Variants in C2CD5 observed in about 807,000 individuals in gnomAD.
The protein encoded by C2CD5 is C2 calcium dependent domain containing 5.
In C2CD5, 109 loss-of-function variants were observed where a neutral mutation model predicts 130.3. The observed-to-expected ratio is 0.84, with a 90% CI of 0.72 to 0.98. The LOEUF is 0.98. C2CD5 is among the 50% of genes least tolerant of loss of function. The pLI, the probability that C2CD5 is intolerant of heterozygous loss-of-function variation, is 0.00. For missense variants in C2CD5, 996 were observed against 1,261.8 expected, an observed-to-expected ratio of 0.79 and a Z score of 3.19; for synonymous variants, 454 against 429.2, an observed-to-expected ratio of 1.06 and a Z score of -0.71.
chr12:22,459,579 T>G (rs1434126610), intron 22 of C2CD5, 37 bp from the exon 23 acceptor site: 1 of 1,322,592 alleles, frequency 7.6e-7, no homozygotes, highest in African/African-American at 1.5e-5. Context: ...GCTCAGATGC[T>G]AAGTACAAGC....
intron 4 of C2CD5, among the ~76,000 whole-genome samples, chr12:22,526,599 T>G (rs1439502431): frequency 6.6e-6 from 1 of 151,874 alleles, no homozygotes; most frequent in African/African-American, 2.4e-5. Flanking sequence ...AAGCCAGGAG[T>G]AGTGGCTCAT....
intron 2 of C2CD5, among the ~76,000 whole-genome samples, chr12:22,539,598 G>C (rs752405358): frequency 6.6e-6 from 1 of 152,152 alleles, no homozygotes; most frequent in Non-Finnish European, 1.5e-5. Flanking sequence ...GGAAGGGCCA[G>C]AGATGCCAGG....
rs186873121 is a variant in C2CD5, at chr12:22,468,950, A to G, written c.2533+759T>C. Among the ~76,000 whole-genome samples, 11 of 152,340 alleles carry G rather than the reference A, an allele frequency of 7.2e-5. No homozygotes were observed. In the East Asian group the frequency reaches 2.1e-3, roughly 29 times the overall value. ...ATAAAAGTTGAATAGCTCATTTCAA[A>G]TAACTATCATTTCTCAAAATAAATT... On this transcript the variant is annotated intron_variant, in intron 22 of 26. Transcript: ENST00000446597.
At chr12:22,495,092 C>T (rs1213746930) in intron 10 of C2CD5, among the ~76,000 whole-genome samples, 1 of 152,024 alleles carries the variant, frequency 6.6e-6, no homozygotes, top group Non-Finnish European at 1.5e-5. Context: ...TACCTATTTT[C>T]CCAAAAAATT....
At chr12:22,527,935 T>C in intron 3 of C2CD5, 43 bp from the exon 4 acceptor site, 4 of 1,275,096 alleles carry the variant, frequency 3.1e-6, no homozygotes, top group Non-Finnish European at 4.4e-6. Context: ...AGTTTTTAAA[T>C]CTTAATTACC....
chr12:22,517,967 G>T lies in C2CD5; in HGVS notation c.952+19C>A. 1 of 1,574,172 alleles carries T rather than the reference G, an allele frequency of 6.4e-7. No homozygotes were observed. Among genetic ancestry groups the T allele is most frequent in the Non-Finnish European group, 8.6e-7 (1 of 1,161,674 alleles). On this transcript the variant is annotated intron_variant, in intron 8 of 26. Coordinates refer to ENST00000446597, the MANE Select transcript of C2CD5 (RefSeq NM_001286176.2). ...ATTTTTAAAAAAGAAAAAATAAAAG[G>T]TGGGTGGAAGCGCCTTACCAGTTTT... is the stretch of plus-strand genomic sequence containing the variant.
intron 23 of C2CD5, chr12:22,458,874 C>T (rs1940526493): frequency 4.5e-6 from 1 of 220,926 alleles, no homozygotes; most frequent in East Asian, 9.2e-5. Flanking sequence ...ATGAAAGGAC[C>T]ACATACTGTG....
chr12:22,483,341 A>G (rs1370416249), intron 13 of C2CD5, among the ~76,000 whole-genome samples: 2 of 152,166 alleles, frequency 1.3e-5, no homozygotes, highest in East Asian at 1.9e-4. Context: ...AGAAAATGTT[A>G]GTCATTAAAA....
intron 23 of C2CD5, 69 bp downstream of exon 23, chr12:22,459,423 T>A: frequency 9.9e-7 from 1 of 1,008,312 alleles, no homozygotes; most frequent in Non-Finnish European, 1.5e-6. Flanking sequence ...TCAATGTCTA[T>A]AATTTTATGC....
chr12:22,475,392 T>C (rs1943696477), intron 15 of C2CD5, among the ~76,000 whole-genome samples: 1 of 152,188 alleles, frequency 6.6e-6, no homozygotes, highest in Non-Finnish European at 1.5e-5. Context: ...ACTATGCACA[T>C]ATTTGCTATT....
intron 8 of C2CD5, among the ~76,000 whole-genome samples, chr12:22,517,758 AC>A (rs1040871800): frequency 1.3e-5 from 2 of 151,222 alleles, no homozygotes; most frequent in Non-Finnish European, 3.0e-5. Context: ...TAAATCGTGG[AC>A]TTTGATATCT....
chr12:22,474,980 G>A, intron 15 of C2CD5, 89 bp from the exon 16 acceptor site: 1 of 807,470 alleles, frequency 1.2e-6, no homozygotes, highest in Non-Finnish European at 1.8e-6. Flanking sequence ...ACCTACCTGT[G>A]GAGAAAAAGC....
chr12:22,504,691 G>A (rs1231421933), intron 10 of C2CD5, among the ~76,000 whole-genome samples: 2 of 152,180 alleles, frequency 1.3e-5, no homozygotes, highest in African/African-American at 4.8e-5. Flanking sequence ...ATCAGTGGGT[G>A]CCATCTATTA....
intron 8 of C2CD5, among the ~76,000 whole-genome samples, chr12:22,517,518 T>C (rs1949855310): frequency 6.6e-6 from 1 of 152,058 alleles, no homozygotes; most frequent in South Asian, 2.1e-4. Context: ...ACATTTTAAA[T>C]ACCCAGTTAA....
rs1289786490 is a variant in C2CD5 at position 22,544,388 on chromosome 12, A to G, written c.-98T>C. Reference sequence around the variant, plus strand: ...TCATTCCGGAGAGGCGGCGGGAGGAAGGGCTTTGATGGGTTCTTCCGTCCC... The same window carrying G: ...TCATTCCGGAGAGGCGGCGGGAGGAGGGGCTTTGATGGGTTCTTCCGTCCC... On this transcript the variant is annotated 5_prime_UTR_variant, in exon 1 of 27. Coordinates refer to ENST00000446597, the MANE Select transcript of C2CD5 (RefSeq NM_001286176.2). 2 of 422,186 alleles carry G rather than the reference A, an allele frequency of 4.7e-6. No individual in the cohort carries two copies. The highest frequency in any genetic ancestry group is 4.5e-5 in the East Asian group (1 of 22,350). 26.2% of individuals were successfully genotyped at this position (422,186 alleles called of 1,614,324 possible). A position where few individuals can be genotyped will look rare whatever the true frequency, so the allele number is the denominator to read the frequency against.
chr12:22,531,878 A>G (rs2137170254), intron 3 of C2CD5, among the ~76,000 whole-genome samples: 1 of 152,324 alleles, frequency 6.6e-6, no homozygotes, highest in East Asian at 1.9e-4. Context: ...TTTAGCAACA[A>G]AAGCTTTTCA....
chr12:22,493,387 T>C (rs1484393886), intron 10 of C2CD5, 50 bp from the exon 11 acceptor site: 2 of 935,152 alleles, frequency 2.1e-6, no homozygotes, highest in Non-Finnish European at 1.7e-6. Context: ...ACATTATATA[T>C]ATGAACATGA....
At chr12:22,503,402 A>C (rs1948058980) in intron 10 of C2CD5, among the ~76,000 whole-genome samples, 1 of 152,194 alleles carries the variant, frequency 6.6e-6, no homozygotes, top group South Asian at 2.1e-4. Flanking sequence ...CAATATATTA[A>C]AATTTCTTCA....
intron 2 of C2CD5, among the ~76,000 whole-genome samples, chr12:22,536,468 A>T (rs1317371060): frequency 6.6e-6 from 1 of 152,354 alleles, no homozygotes; most frequent in African/African-American, 2.4e-5. Flanking sequence ...GTACTTTCAC[A>T]TAAGCCCTCC....
Sources: gnomAD v4.1 joint callset for allele counts (sites outside exome capture counted in the v4.1 genomes callset) on GRCh38, gnomAD v4.1.1 for gene constraint, MANE v1.5 for transcripts, NCBI Gene and HGNC (gene_info 2026-07-23, HGNC 2026-07-21) for gene names.